Variants in RGS22 observed in about 807,000 individuals in gnomAD.
RGS22 encodes regulator of G protein signaling 22, also known as regulator of G-protein signaling 22.
RGS22 carries 148 observed loss-of-function variants against 172.9 expected under a neutral mutation model. The observed-to-expected ratio is 0.86, with a 90% confidence interval of 0.75 to 0.98. RGS22 has a LOEUF of 0.98. Ranked by LOEUF, RGS22 falls within the 50% of genes least tolerant of loss-of-function variation. The pLI, the probability that RGS22 is intolerant of heterozygous loss-of-function variation, is 0.00. For synonymous variants in RGS22, 458 were observed against 480.2 expected, an observed-to-expected ratio of 0.95 and a Z score of 0.60; for missense variants, 1,347 against 1,440.8, an observed-to-expected ratio of 0.93 and a Z score of 1.05.
At chr8:100,035,378 C>T (rs1819331036) in intron 14 of RGS22, among the ~76,000 whole-genome samples, 1 of 152,192 alleles carries the variant, frequency 6.6e-6, no homozygotes, top group African/African-American at 2.4e-5. Flanking sequence ...CACTGACCAT[C>T]AGAGAAATGC....
At chr8:100,015,772 C>T (rs1485067352) in intron 14 of RGS22, among the ~76,000 whole-genome samples, 1 of 152,172 alleles carries the variant, frequency 6.6e-6, no homozygotes, top group Non-Finnish European at 1.5e-5. Flanking sequence ...CAAGAAACAT[C>T]ATAAAACTCA....
At chr8:100,093,580 T>C (rs1812750576) in intron 2 of RGS22, 71 bp from the exon 3 acceptor site, 1 of 1,017,512 alleles carries the variant, frequency 9.8e-7, no homozygotes, top group South Asian at 1.5e-5. Flanking sequence ...TTATTCTCTA[T>C]TTCTGCTACG....
At chr8:100,101,736 A>G (rs1813509023) in intron 2 of RGS22, among the ~76,000 whole-genome samples, 1 of 152,044 alleles carries the variant, frequency 6.6e-6, no homozygotes, top group African/African-American at 2.4e-5. Flanking sequence ...GAGTTATTCT[A>G]TCCTTTGAGA....
At position 100,067,890 on chromosome 8, in the gene RGS22, T is replaced by C. The variant is rs546680722; in HGVS notation, c.595-1594A>G. On this transcript the variant is annotated intron_variant, in intron 6 of 27. Coordinates refer to ENST00000360863, the MANE Select transcript of RGS22 (RefSeq NM_015668.5). ...CGCCCGCCTCAGCCTCCCAAAGTGC[T>C]AGGATTACAGGCGTGAGCCACCGCG... 2.6e-5 allele frequency among the ~76,000 whole-genome samples: 4 copies of C among 152,234 alleles called. No homozygotes were observed. In the East Asian group the frequency reaches 7.7e-4, roughly 29 times the overall value.
At position 100,020,181 on chromosome 8, in the gene RGS22, G is replaced by A. The variant is rs1486893003; in HGVS notation, c.2167-11612C>T. On this transcript the variant is annotated intron_variant, in intron 14 of 27. Transcript: ENST00000360863. ...TTACAGGTGTGAGCCACCACGCCCG[G>A]CCGCAATTTTCTTCTCCTTACCATC... Among the ~76,000 whole-genome samples the A allele has an allele frequency of 4.6e-5, 7 of 152,078 alleles. No homozygotes were observed. The East Asian group carries it at 1.3e-3, about 29-fold the overall frequency.
chr8:100,023,711 G>A (rs1817860441), intron 14 of RGS22, among the ~76,000 whole-genome samples: 1 of 152,188 alleles, frequency 6.6e-6, no homozygotes, highest in South Asian at 2.1e-4. Flanking sequence ...TGGGATTATA[G>A]GTGCGAGCCA....
chr8:100,101,792 A>G (rs1338809797), intron 2 of RGS22, among the ~76,000 whole-genome samples: 2 of 151,960 alleles, frequency 1.3e-5, no homozygotes, highest in African/African-American at 4.8e-5. Context: ...GCAGATGTCT[A>G]TAACAGCATG....
intron 23 of RGS22, among the ~76,000 whole-genome samples, chr8:99,967,350 C>T (rs184698279): frequency 6.6e-6 from 1 of 151,646 alleles, no homozygotes; most frequent in East Asian, 1.9e-4. Context: ...TTTTTTGTAC[C>T]CCAGTGGAGC....
intron 11 of RGS22, among the ~76,000 whole-genome samples, chr8:100,046,810 G>GTTTTTTGT (rs573153428): frequency 6.6e-6 from 1 of 151,146 alleles, no homozygotes; most frequent in African/African-American, 2.4e-5. Context: ...CCTTCATACC[G>GTTTTTTGT]TTTTTTGTTT....
chr8:100,018,989 C>CAAAAAAA (rs5893504), intron 14 of RGS22, among the ~76,000 whole-genome samples: 1 of 146,906 alleles, frequency 6.8e-6, no homozygotes, highest in Non-Finnish European at 1.5e-5. Context: ...ATGTCAAAAG[C>CAAAAAAA]AAAAAAAAAA....
Position 100,038,870 on chromosome 8 carries a change from C to A in RGS22, c.2166+61G>T, listed in dbSNP as rs759371576. 5.5e-6 allele frequency: 6 copies of A among 1,081,986 alleles called. No homozygotes were observed. In the African/African-American group the frequency reaches 9.5e-5, roughly 17 times the overall value. The allele number at this position is 1,081,986 out of a possible 1,614,324, so 67.0% of individuals were successfully genotyped here. A position where few individuals can be genotyped will look rare whatever the true frequency, so the allele number is the denominator to read the frequency against. ...CAGATTTCTCGTTTGGGACTGGACA[C>A]AATTTTCATTTCTCTGTGTACTTAG... On this transcript the variant is annotated intron_variant, in intron 14 of 27. Coordinates refer to ENST00000360863, the MANE Select transcript of RGS22 (RefSeq NM_015668.5).
intron 13 of RGS22, among the ~76,000 whole-genome samples, chr8:100,039,473 C>T (rs1240234765): frequency 6.6e-6 from 1 of 151,264 alleles, no homozygotes; most frequent in Admixed American, 6.6e-5. Flanking sequence ...TGCCTCCAGG[C>T]TCAAGTGATT....
chr8:99,974,788 A>C (rs921088438), intron 23 of RGS22, among the ~76,000 whole-genome samples: 11 of 144,650 alleles, frequency 7.6e-5, no homozygotes, highest in African/African-American at 2.2e-4. Context: ...ACAGAGCAAG[A>C]CTCTGTCAAA....
At chr8:100,085,038 C>A (rs1020216947) in intron 3 of RGS22, among the ~76,000 whole-genome samples, 1 of 152,034 alleles carries the variant, frequency 6.6e-6, no homozygotes, top group Admixed American at 6.6e-5. Context: ...GAAACATAAG[C>A]AGAATGATTA....
chr8:100,101,866 G>A (rs576841029), intron 2 of RGS22, among the ~76,000 whole-genome samples: 9 of 148,100 alleles, frequency 6.1e-5, no homozygotes, highest in South Asian at 2.2e-4. Flanking sequence ...ACAGGAGCAC[G>A]AAACCAAAAA....
At chr8:100,006,931 T>C (rs1418483185) in intron 15 of RGS22, among the ~76,000 whole-genome samples, 1 of 136,930 alleles carries the variant, frequency 7.3e-6, no homozygotes, top group African/African-American at 3.1e-5. Flanking sequence ...ATTCCAAATC[T>C]TTTTTTTTTT....
chr8:99,994,237 T>TA (rs1294742238), intron 20 of RGS22, among the ~76,000 whole-genome samples: 1 of 152,096 alleles, frequency 6.6e-6, no homozygotes, highest in African/African-American at 2.4e-5. Flanking sequence ...CCACTCCTAT[T>TA]CAATGTAGTG....
rs373056041 is a variant in RGS22, at chr8:99,987,503, T to C, written c.3135A>G (p.Leu1045=). 3.1e-6 allele frequency: 5 copies of C among 1,611,866 alleles called. No individual in the cohort carries two copies. Among genetic ancestry groups the C allele is most frequent in the Non-Finnish European group, 4.2e-6 (5 of 1,178,794 alleles). ...FQRFVALKGD[L]LENGLLFWQE... is the part of the protein sequence containing the mutation. ...GCCAAAAGAGTAAACCATTTTCCAA[T>C]AAATCTCCTTTTAGAGCCACAAAAC... The change falls in exon 21 of 28, where the codon TTA becomes TTG. Residue 1045 remains leucine (L), a synonymous_variant. Coordinates refer to ENST00000360863, the MANE Select transcript of RGS22 (RefSeq NM_015668.5).
chr8:100,043,605 G>C (rs546979469), intron 11 of RGS22, among the ~76,000 whole-genome samples: 2 of 151,926 alleles, frequency 1.3e-5, no homozygotes, highest in Non-Finnish European at 2.9e-5. Context: ...GTGAAACCCC[G>C]TCTCTACTAA....
Sources: allele counts gnomAD v4.1 joint callset (sites outside exome capture counted in the v4.1 genomes callset), GRCh38; gene constraint gnomAD v4.1.1; transcripts MANE v1.5; gene names NCBI Gene and HGNC (gene_info 2026-07-23, HGNC 2026-07-21).